The following KCNIP1 variants were observed in gnomAD, a reference collection of about 807,000 sequenced individuals.
KCNIP1 encodes the protein potassium voltage-gated channel interacting protein 1, also known as A-type potassium channel modulatory protein KCNIP1.
Under a neutral mutation model 33.0 loss-of-function variants are expected in KCNIP1, and 18 were observed. The ratio of observed to expected loss-of-function variants is 0.55; its 90% CI spans 0.38 to 0.81. The LOEUF is 0.81. Ranked by LOEUF, KCNIP1 falls within the 30% of genes least tolerant of loss-of-function variation. The probability of loss-of-function intolerance (pLI) is 0.00; values close to 1 mark genes in which losing one functional copy is unlikely to be tolerated. For missense variants in KCNIP1, 238 were observed against 271.6 expected (o/e 0.88, Z 0.87); for synonymous variants, 93 against 98.3 (o/e 0.95, Z 0.32).
intron 1 of KCNIP1, among the ~76,000 whole-genome samples, chr5:170,481,881 G>T (rs1756985520): frequency 6.6e-6 from 1 of 152,176 alleles, no homozygotes; most frequent in Non-Finnish European, 1.5e-5. Flanking sequence ...TTCCCTGAGT[G>T]GTCTGTATGG....
rs1427198224 is a variant in KCNIP1, at chr5:170,718,833, C to A, written c.137C>A (p.Thr46Asn). 24 of 1,609,948 alleles carry A rather than the reference C, an allele frequency of 1.5e-5. No individual in the cohort carries two copies. The highest frequency in any genetic ancestry group is 1.8e-5 in the Non-Finnish European group (21 of 1,178,674). ...PEGLEQLEAQTNFTKRELQVL... is the reference protein window; with the variant it reads ...PEGLEQLEAQNNFTKRELQVL... ...GGACTGGAGCAGCTCGAGGCCCAGA[C>A]CAACTTCACCAAGAGGGAGCTGCAG... The change falls in exon 2 of 8, where the codon ACC (threonine) becomes AAC (asparagine). Residue 46 changes from threonine to asparagine, a missense_variant. Transcript: ENST00000328939.
intron 1 of KCNIP1, among the ~76,000 whole-genome samples, chr5:170,604,635 C>T (rs946205118): frequency 8.5e-5 from 13 of 152,190 alleles, no homozygotes; most frequent in African/African-American, 1.9e-4. Context: ...AATTGAGGTC[C>T]TATTCCCTGC....
intron 1 of KCNIP1, among the ~76,000 whole-genome samples, chr5:170,438,665 G>A (rs1755921050): frequency 6.6e-6 from 1 of 152,076 alleles, no homozygotes; most frequent in Non-Finnish European, 1.5e-5. Flanking sequence ...GTGGGGGTGG[G>A]AGGGCTACAC....
At chr5:170,690,509 T>C (rs1361123783) in intron 1 of KCNIP1, among the ~76,000 whole-genome samples, 3 of 152,212 alleles carry the variant, frequency 2.0e-5, no homozygotes, top group Non-Finnish European at 2.9e-5. Context: ...ATCTGACAAA[T>C]AGATGCTCAG....
chr5:170,651,976 A>T (rs1761059967), intron 1 of KCNIP1, among the ~76,000 whole-genome samples: 1 of 152,214 alleles, frequency 6.6e-6, no homozygotes, highest in Non-Finnish European at 1.5e-5. Flanking sequence ...AACTTGAAAG[A>T]GATTGTACAG....
intron 1 of KCNIP1, among the ~76,000 whole-genome samples, chr5:170,356,367 C>T (rs1332148572): frequency 2.0e-5 from 3 of 152,120 alleles, no homozygotes; most frequent in Non-Finnish European, 4.4e-5. Context: ...TGTTTCTTAC[C>T]AGCCTTGCAA....
At chr5:170,565,619 A>G (rs538260947) in intron 1 of KCNIP1, among the ~76,000 whole-genome samples, 11 of 152,342 alleles carry the variant, frequency 7.2e-5, no homozygotes, top group Admixed American at 5.9e-4. Context: ...CACTTTATAC[A>G]CATTATCTCA....
chr5:170,567,243 G>C (rs1757235287), intron 1 of KCNIP1, among the ~76,000 whole-genome samples: 1 of 152,146 alleles, frequency 6.6e-6, no homozygotes, highest in Admixed American at 6.5e-5. Context: ...GGAGACCAGG[G>C]GTGCTGCTAA....
At chr5:170,615,874 G>C (rs928789923) in intron 1 of KCNIP1, among the ~76,000 whole-genome samples, 1 of 152,224 alleles carries the variant, frequency 6.6e-6, no homozygotes, top group Admixed American at 6.5e-5. Flanking sequence ...GCACGCATCT[G>C]GCACATAGTG....
At chr5:170,414,133 A>G (rs1755267451) in intron 1 of KCNIP1, among the ~76,000 whole-genome samples, 1 of 152,202 alleles carries the variant, frequency 6.6e-6, no homozygotes, top group Admixed American at 6.5e-5. Flanking sequence ...TGTTGCAATC[A>G]GTTAGCAATG....
chr5:170,722,208 C>T lies in KCNIP1; in HGVS notation c.327+305C>T, dbSNP rs889722995. Among the ~76,000 whole-genome samples, 12 of 152,098 alleles carry T rather than the reference C, an allele frequency of 7.9e-5. 1 individual carries two copies. The highest frequency in any genetic ancestry group is 2.0e-4 in the Admixed American group (3 of 15,268). On this transcript the variant is annotated intron_variant, in intron 4 of 7. Transcript: ENST00000328939. ...GTATTAATTCATTTACTCCAATTCC[C>T]ACAATAACCCTATAGGGTAGGGTTT...
chr5:170,712,858 C>T (rs754975322), intron 1 of KCNIP1: 47 of 1,613,862 alleles, frequency 2.9e-5, no homozygotes, highest in Middle Eastern at 3.3e-4. Context: ...TCCTAGACAT[C>T]GCCTGGTGGT....
chr5:170,708,023 T>C (rs952292941), intron 1 of KCNIP1, among the ~76,000 whole-genome samples: 1 of 152,078 alleles, frequency 6.6e-6, no homozygotes, highest in Non-Finnish European at 1.5e-5. Flanking sequence ...CTGGGGCTCA[T>C]TGTTAAGTTT....
At chr5:170,700,510 G>A (rs1210221740) in intron 1 of KCNIP1, among the ~76,000 whole-genome samples, 1 of 152,142 alleles carries the variant, frequency 6.6e-6, no homozygotes, top group Non-Finnish European at 1.5e-5. Context: ...TTGGGGCTGT[G>A]GTAAGCCGTG....
At chr5:170,383,937 G>T (rs2339022) in intron 1 of KCNIP1, 1 of 1,378,980 alleles carries the variant, frequency 7.3e-7, no homozygotes, top group Non-Finnish European at 9.9e-7. Context: ...TCCCCTGGGA[G>T]CCTCTAGAGG....
chr5:170,447,790 C>T (rs954402082), intron 1 of KCNIP1, among the ~76,000 whole-genome samples: 6 of 151,730 alleles, frequency 4.0e-5, no homozygotes, highest in African/African-American at 9.7e-5. Context: ...AGCCAGACTC[C>T]GTGTTTGTTG....
At chr5:170,507,548 G>T (rs1754766174) in intron 1 of KCNIP1, among the ~76,000 whole-genome samples, 1 of 152,070 alleles carries the variant, frequency 6.6e-6, no homozygotes. Context: ...AGATAACTAG[G>T]ACCAAAAACC....
At chr5:170,581,747 T>G (rs1384272792) in intron 1 of KCNIP1, among the ~76,000 whole-genome samples, 1 of 152,244 alleles carries the variant, frequency 6.6e-6, no homozygotes, top group Non-Finnish European at 1.5e-5. Flanking sequence ...ACTGTCTATG[T>G]CTGTTTGTGT....
In KCNIP1 at chr5:170,423,910, T is replaced by G. The variant is rs192484085; in HGVS notation, c.88+69946T>G. Among the ~76,000 whole-genome samples, 770 of 152,340 alleles carry G rather than the reference T, an allele frequency of 5.1e-3. 3 individuals are homozygous for G. Among genetic ancestry groups the G allele is most frequent in the Non-Finnish European group, 8.5e-3 (581 of 68,024 alleles). ...GCTACCAAACGGAGGTAGCGCTGTC[T>G]ACTAGAGTTGCCAGACTTCATTCTA... On this transcript the variant is annotated intron_variant, in intron 1 of 7. Transcript: ENST00000377360.
Sources: allele counts gnomAD v4.1 joint callset (sites outside exome capture counted in the v4.1 genomes callset), GRCh38; gene constraint gnomAD v4.1.1; transcripts MANE v1.5; gene names NCBI Gene and HGNC (gene_info 2026-07-23, HGNC 2026-07-21).